Variants in TDP1 observed in about 807,000 individuals in gnomAD.
The protein encoded by TDP1 is tyrosyl-DNA phosphodiesterase 1.
Under a neutral mutation model 81.5 loss-of-function variants are expected in TDP1, and 64 were observed. That is an observed-to-expected ratio of 0.79 (90% CI 0.64 to 0.97). TDP1 has a LOEUF of 0.97. Ranked by LOEUF, TDP1 falls within the 50% of genes least tolerant of loss-of-function variation. TDP1 has a pLI of 0.00. For synonymous variants in TDP1, 256 were observed against 264.3 expected (o/e 0.97, Z 0.30); for missense variants, 723 against 743.8 (o/e 0.97, Z 0.33).
chr14:89,976,667 G>T (rs1382886443), intron 7 of TDP1, among the ~76,000 whole-genome samples: 1 of 150,976 alleles, frequency 6.6e-6, no homozygotes, highest in African/African-American at 2.4e-5. Context: ...CTCCCAAGTA[G>T]CTGGGGTTAC....
Position 89,985,009 on chromosome 14 carries a change from GA to G in TDP1, c.1053-119del. The stretch of plus-strand genomic sequence containing the variant: ...AAAATGAATTTGAGAGTCAATTCAA[GA>G]AAATGGATTGGCTCTTAGATCATTT... On this transcript the variant is annotated intron_variant, in intron 9 of 16. Transcript: ENST00000335725. 3 of 1,344,032 alleles carry G rather than the reference GA, an allele frequency of 2.2e-6. No homozygotes were observed. The South Asian group carries it at 4.2e-5, about 19-fold the overall frequency. The allele number at this position is 1,344,032 out of a possible 1,614,324, so 83.3% of individuals were successfully genotyped here. A position where few individuals can be genotyped will look rare whatever the true frequency, so the allele number is the denominator to read the frequency against.
Position 89,988,459 on chromosome 14 carries a change from T to A in TDP1, c.1132-446T>A, listed in dbSNP as rs34881056. 1,014 of 377,416 alleles carry A rather than the reference T, an allele frequency of 2.7e-3. 8 individuals are homozygous for A. The highest frequency in any genetic ancestry group is 0.021 in the African/African-American group (966 of 45,504). 23.4% of individuals were successfully genotyped at this position (377,416 alleles called of 1,614,324 possible). ...CAGTCTCATTAACATACAGAAAGAC[T>A]TCACATTGGAGATCCCAAGGATTTT... On this transcript the variant is annotated intron_variant, in intron 10 of 16. Transcript: ENST00000335725.
chr14:90,040,396 A>C (rs1219200790), intron 16 of TDP1, among the ~76,000 whole-genome samples: 1 of 152,224 alleles, frequency 6.6e-6, no homozygotes, highest in Non-Finnish European at 1.5e-5. Context: ...ACCTACTGAA[A>C]CAAGGTCTCT....
intron 6 of TDP1, among the ~76,000 whole-genome samples, chr14:89,971,714 C>A (rs1328881662): frequency 6.6e-6 from 1 of 152,128 alleles, no homozygotes; most frequent in African/African-American, 2.4e-5. Flanking sequence ...CCCCTGGTTG[C>A]ATGTAGCTTG....
rs1433457385 is a variant in TDP1 at position 90,043,518 on chromosome 14, A to T, written c.*375A>T. On this transcript the variant is annotated 3_prime_UTR_variant, in exon 17 of 17. Coordinates refer to ENST00000335725, the MANE Select transcript of TDP1 (RefSeq NM_018319.4). ...GAGATATCTTGGGAATGGGACCCAAATCTAAACACAAAATTCATTTATGTT... is the reference window on the plus strand; with the variant it reads ...GAGATATCTTGGGAATGGGACCCAATTCTAAACACAAAATTCATTTATGTT... The T allele has an allele frequency of 3.0e-6, 1 of 333,626 alleles. No individual in the cohort carries two copies. The highest frequency in any genetic ancestry group is 5.7e-6 in the Non-Finnish European group (1 of 176,592). 20.7% of individuals were successfully genotyped at this position (333,626 alleles called of 1,614,324 possible).
chr14:89,976,656 C>T (rs1894376427), intron 7 of TDP1, among the ~76,000 whole-genome samples: 1 of 151,666 alleles, frequency 6.6e-6, no homozygotes, highest in Non-Finnish European at 1.5e-5. Context: ...CCTGCCTCAG[C>T]CTCCCAAGTA....
chr14:89,999,197 A>G (rs1375787375), intron 14 of TDP1, among the ~76,000 whole-genome samples: 3 of 152,188 alleles, frequency 2.0e-5, no homozygotes. Flanking sequence ...TCCTAGTGAA[A>G]GCTGAAAAAA....
intron 14 of TDP1, among the ~76,000 whole-genome samples, chr14:90,018,289 A>C (rs1037361203): frequency 2.6e-5 from 4 of 152,174 alleles, no homozygotes; most frequent in Non-Finnish European, 5.9e-5. Context: ...GGGTGAGCCT[A>C]ACTGAAAAAA....
Position 89,963,485 on chromosome 14 carries a change from C to A in TDP1, c.371C>A (p.Ala124Asp), listed in dbSNP as rs961484373. 4.4e-6 allele frequency: 7 copies of A among 1,605,558 alleles called. No individual in the cohort carries two copies. In the African/African-American group the frequency reaches 9.4e-5, roughly 22 times the overall value. ...KDISAPNDGT[A>D]QRTENHGAPA... ...ATCTCTGCTCCCAATGACGGCACTG[C>A]CCAAAGAACTGAAAATCATGGCGCT... The change falls in exon 3 of 17, where the codon GCC (alanine) becomes GAC (aspartate). Residue 124 changes from alanine to aspartate, a missense_variant. Ala to Asp is a moderately radical substitution (Grantham distance 126). Coordinates refer to ENST00000335725, the MANE Select transcript of TDP1 (RefSeq NM_018319.4).
Position 89,966,128 on chromosome 14 carries a change from A to G in TDP1, c.560-19A>G, listed in dbSNP as rs1265881292. ...GGATTTTTGTGAGTGTGAATTTGAT[A>G]TATGTTTTGTCTTCTCAGATATTTT... On this transcript the variant is annotated intron_variant, in intron 3 of 16. Coordinates refer to ENST00000335725, the MANE Select transcript of TDP1 (RefSeq NM_018319.4). The G allele has an allele frequency of 4.5e-6, 7 of 1,555,024 alleles. No homozygotes were observed. Among genetic ancestry groups the G allele is most frequent in the Non-Finnish European group, 5.3e-6 (6 of 1,126,590 alleles).
At chr14:89,984,450 A>G (rs1020818348) in intron 8 of TDP1, 66 bp from the exon 9 acceptor site, 1 of 1,610,948 alleles carries the variant, frequency 6.2e-7, no homozygotes, top group Admixed American at 1.7e-5. Context: ...TGAAGGCATA[A>G]TCGATACAGA....
Position 89,984,534 on chromosome 14 carries a change from A to T in TDP1, c.903A>T (p.Leu301Phe). ...ATTCCAGAATATGGTTGAGCCCCTT[A>T]TACCCACGAATTGCTGATGGAACCC... ...QKTQGIWLSP[L>F]YPRIADGTHK... The change falls in exon 9 of 17, where the codon TTA becomes TTT. Residue 301 changes from leucine to phenylalanine, a missense_variant. Coordinates refer to ENST00000335725, the MANE Select transcript of TDP1 (RefSeq NM_018319.4). The T allele has an allele frequency of 1.2e-6, 2 of 1,614,144 alleles. No individual in the cohort carries two copies. The highest frequency in any genetic ancestry group is 1.7e-6 in the Non-Finnish European group (2 of 1,180,036).
chr14:90,011,148 C>G (rs112948459), intron 14 of TDP1, among the ~76,000 whole-genome samples: 4 of 152,218 alleles, frequency 2.6e-5, no homozygotes, highest in African/African-American at 9.7e-5. Flanking sequence ...GCCTTTGCTC[C>G]TCCTTCGCCT....
chr14:90,027,466 G>A lies in TDP1; in HGVS notation c.1645-5640G>A, dbSNP rs58951065. ...TGAGCTGGAACAGCATGTCCCCCAGGCTCCAGCCACCCACAAGTATTTGTT... is the reference window on the plus strand; with the variant it reads ...TGAGCTGGAACAGCATGTCCCCCAGACTCCAGCCACCCACAAGTATTTGTT... On this transcript the variant is annotated intron_variant, in intron 15 of 16. Transcript: ENST00000335725. Among the ~76,000 whole-genome samples the A allele has an allele frequency of 3.8e-3, 583 of 151,886 alleles. 2 individuals are homozygous for A. Among genetic ancestry groups the A allele is most frequent in the African/African-American group, 0.014 (563 of 41,422 alleles).
At chr14:90,012,121 T>TTG (rs1186332742) in intron 14 of TDP1, among the ~76,000 whole-genome samples, 1 of 152,194 alleles carries the variant, frequency 6.6e-6, no homozygotes, top group Non-Finnish European at 1.5e-5. Flanking sequence ...GCTCAGGCCA[T>TTG]TGCTTCAGAG....
In TDP1 at chr14:89,966,142, C is replaced by G. The variant is rs1021813853; in HGVS notation, c.560-5C>G. 6 of 1,590,116 alleles carry G rather than the reference C, an allele frequency of 3.8e-6. No homozygotes were observed. The Admixed American group carries it at 1.0e-4, about 27-fold the overall frequency. ...GTGAATTTGATATATGTTTTGTCTT[C>G]TCAGATATTTTATCTCCTTTATTTG... On this transcript the variant is annotated splice_region_variant and splice_polypyrimidine_tract_variant and intron_variant, in intron 3 of 16. Coordinates refer to ENST00000335725, the MANE Select transcript of TDP1 (RefSeq NM_018319.4).
At chr14:89,958,004 A>G (rs1161925952) in intron 2 of TDP1, among the ~76,000 whole-genome samples, 1 of 152,060 alleles carries the variant, frequency 6.6e-6, no homozygotes, top group Non-Finnish European at 1.5e-5. Context: ...TCGGTTTGTG[A>G]GTGAGTGAGC....
chr14:89,993,072 T>A, intron 13 of TDP1: 1 of 881,948 alleles, frequency 1.1e-6, no homozygotes, highest in Non-Finnish European at 1.4e-6. Context: ...AGGAGACATA[T>A]ACACACATGC....
At chr14:90,000,453 C>T (rs532154515) in intron 14 of TDP1, among the ~76,000 whole-genome samples, 30 of 152,252 alleles carry the variant, frequency 2.0e-4, no homozygotes, top group African/African-American at 6.7e-4. Context: ...GTCACGATCT[C>T]GGCTCACTGC....
Sources: allele counts gnomAD v4.1 joint callset (sites outside exome capture counted in the v4.1 genomes callset), GRCh38; gene constraint gnomAD v4.1.1; transcripts MANE v1.5; gene names NCBI Gene and HGNC (gene_info 2026-07-23, HGNC 2026-07-21).